The following PLCXD3 variants were observed in gnomAD, a reference collection of about 807,000 sequenced individuals.
PLCXD3 encodes the protein PI-PLC X domain-containing protein 3.
Under a neutral mutation model 25.5 loss-of-function variants are expected in PLCXD3, and 19 were observed. The ratio of observed to expected loss-of-function variants is 0.75; its 90% CI spans 0.52 to 1.09. PLCXD3 has a LOEUF of 1.09. PLCXD3 is among the 50% of genes least tolerant of loss of function. The pLI is 0.00. For missense variants in PLCXD3, 411 were observed against 388.1 expected (o/e 1.06, Z -0.50); for synonymous variants, 174 against 137.6 (o/e 1.26, Z -1.85).
chr5:41,315,370 A>G (rs938587883), intron 2 of PLCXD3, among the ~76,000 whole-genome samples: 4 of 152,052 alleles, frequency 2.6e-5, no homozygotes, highest in African/African-American at 9.7e-5. Flanking sequence ...AACCTAGAAG[A>G]AGTTGTATAA....
At chr5:41,432,604 CACA>C (rs1747144211) in intron 1 of PLCXD3, among the ~76,000 whole-genome samples, 1 of 152,142 alleles carries the variant, frequency 6.6e-6, no homozygotes, top group African/African-American at 2.4e-5. Context: ...CAGAGAAAAG[CACA>C]TAAGAGAGCC....
rs1580401543 is a variant in PLCXD3 at position 41,493,322 on chromosome 5, G to A, written c.103+17102C>T. On this transcript the variant is annotated intron_variant, in intron 1 of 2. Transcript: ENST00000377801. ...GTCTCAGAGGAGTACCTGGCCGTGT[G>A]AGGTGTCAGTCTGCCCCTACTGGGG... Among the ~76,000 whole-genome samples the A allele has an allele frequency of 2.6e-5, 4 of 152,200 alleles. No individual in the cohort carries two copies. In the South Asian group the frequency reaches 8.3e-4, roughly 32 times the overall value.
At chr5:41,475,583 T>G in intron 1 of PLCXD3, 1 of 533,874 alleles carries the variant, frequency 1.9e-6, no homozygotes, top group Non-Finnish European at 3.8e-6. Flanking sequence ...TTTATCCCTG[T>G]AGGCCTCTTC....
intron 2 of PLCXD3, among the ~76,000 whole-genome samples, chr5:41,338,993 C>T (rs1170367876): frequency 6.6e-6 from 1 of 151,924 alleles, no homozygotes; most frequent in African/African-American, 2.4e-5. Context: ...GCTATTTTTT[C>T]GTTAATGTTT....
intron 1 of PLCXD3, among the ~76,000 whole-genome samples, chr5:41,436,603 C>T (rs1396563680): frequency 6.6e-6 from 1 of 152,120 alleles, no homozygotes; most frequent in Non-Finnish European, 1.5e-5. Context: ...TATTGCAGCC[C>T]TCCGATACTT....
chr5:41,421,544 A>G (rs993138094), intron 1 of PLCXD3, among the ~76,000 whole-genome samples: 2 of 151,980 alleles, frequency 1.3e-5, no homozygotes, highest in African/African-American at 4.8e-5. Flanking sequence ...TACTAAAAAT[A>G]CAAAAAATTA....
At chr5:41,345,697 C>T (rs1744279330) in intron 2 of PLCXD3, among the ~76,000 whole-genome samples, 1 of 151,548 alleles carries the variant, frequency 6.6e-6, no homozygotes, top group African/African-American at 2.4e-5. Context: ...CACACACACA[C>T]ACACACACAC....
Position 41,311,512 on chromosome 5 carries a change from A to C in PLCXD3, c.*2105T>G, listed in dbSNP as rs1743135704. ...ATCAATGTCTTCATTTGAAAAGAAG[A>C]ATTGTACTGTGTCCATATCTGTGTG... On this transcript the variant is annotated 3_prime_UTR_variant, in exon 3 of 3. Coordinates refer to ENST00000377801, the MANE Select transcript of PLCXD3 (RefSeq NM_001005473.3). 2 of 152,148 alleles carry C rather than the reference A, an allele frequency of 1.3e-5. No individual in the cohort carries two copies. Among genetic ancestry groups the C allele is most frequent in the South Asian group, 4.1e-4 (2 of 4,824 alleles). 9.4% of individuals were successfully genotyped at this position (152,148 alleles called of 1,614,324 possible).
chr5:41,388,460 A>G (rs114129967), intron 1 of PLCXD3, among the ~76,000 whole-genome samples: 6,768 of 152,172 alleles, frequency 0.044, 194 homozygotes, highest in Non-Finnish European at 0.062. Flanking sequence ...GATATTTTTA[A>G]AAACAGTGAG....
chr5:41,411,896 A>G (rs1415028584), intron 1 of PLCXD3, among the ~76,000 whole-genome samples: 5 of 5,156 alleles, frequency 9.7e-4, no homozygotes, highest in Non-Finnish European at 2.6e-3. Flanking sequence ...ATCCATATAT[A>G]TATCTCCATA....
chr5:41,368,174 A>C (rs1401386020), intron 2 of PLCXD3, among the ~76,000 whole-genome samples: 1 of 152,196 alleles, frequency 6.6e-6, no homozygotes, highest in South Asian at 2.1e-4. Flanking sequence ...GAGGTCCTTC[A>C]CTTATCTTGT....
intron 1 of PLCXD3, among the ~76,000 whole-genome samples, chr5:41,383,784 A>G (rs1032746431): frequency 6.6e-6 from 1 of 151,998 alleles, no homozygotes; most frequent in Non-Finnish European, 1.5e-5. Flanking sequence ...ATAAATACAC[A>G]CAAACACACA....
chr5:41,373,353 A>C (rs1745184733), intron 2 of PLCXD3, among the ~76,000 whole-genome samples: 1 of 152,182 alleles, frequency 6.6e-6, no homozygotes, highest in African/African-American at 2.4e-5. Context: ...ATGCATTTAA[A>C]TGTTAAGTCT....
chr5:41,467,112 G>A (rs937407740), intron 1 of PLCXD3, among the ~76,000 whole-genome samples: 2 of 152,074 alleles, frequency 1.3e-5, no homozygotes, highest in African/African-American at 4.8e-5. Context: ...TGGAATTTTA[G>A]CTTTTTGAGT....
chr5:41,452,143 T>C (rs1043685420), intron 1 of PLCXD3, among the ~76,000 whole-genome samples: 2 of 152,184 alleles, frequency 1.3e-5, no homozygotes, highest in Admixed American at 1.3e-4. Flanking sequence ...CCTTCTTTGC[T>C]ATCCTCACCT....
At chr5:41,500,708 G>T (rs367949738) in intron 1 of PLCXD3, among the ~76,000 whole-genome samples, 1 of 151,754 alleles carries the variant, frequency 6.6e-6, no homozygotes, top group Non-Finnish European at 1.5e-5. Context: ...GGCACCAAAA[G>T]CAAAAATAAA....
At chr5:41,350,890 A>T (rs1455582438) in intron 2 of PLCXD3, among the ~76,000 whole-genome samples, 1 of 152,130 alleles carries the variant, frequency 6.6e-6, no homozygotes, top group Non-Finnish European at 1.5e-5. Context: ...GGGACTGGTA[A>T]CATAAGCTTA....
chr5:41,315,227 T>G (rs1743254872), intron 2 of PLCXD3, among the ~76,000 whole-genome samples: 1 of 151,968 alleles, frequency 6.6e-6, no homozygotes, highest in South Asian at 2.1e-4. Context: ...GACAAAAGGA[T>G]AAATGAACAG....
chr5:41,484,266 CACA>C (rs762425310), intron 1 of PLCXD3, among the ~76,000 whole-genome samples: 4 of 137,304 alleles, frequency 2.9e-5, no homozygotes, highest in Non-Finnish European at 6.2e-5. Context: ...CACACACACA[CACA>C]CACTAACTGT....
Sources: gnomAD v4.1 joint callset for allele counts (sites outside exome capture counted in the v4.1 genomes callset) on GRCh38, gnomAD v4.1.1 for gene constraint, MANE v1.5 for transcripts, NCBI Gene and HGNC (gene_info 2026-07-23, HGNC 2026-07-21) for gene names.